Variants in TINAG observed in about 807,000 individuals in gnomAD.
The protein encoded by TINAG is tubulointerstitial nephritis antigen.
TINAG carries 83 observed loss-of-function variants against 72.7 expected under a neutral mutation model. That is an observed-to-expected ratio of 1.14 (90% CI 0.96 to 1.37). The LOEUF is 1.37. Among genes scored for constraint, TINAG ranks in the 40% most tolerant of loss-of-function variants. The probability of loss-of-function intolerance (pLI) is 0.00; values close to 1 mark genes in which losing one functional copy is unlikely to be tolerated. For missense variants in TINAG, 685 were observed against 576.6 expected (o/e 1.19, Z -1.93); for synonymous variants, 234 against 189.9 (o/e 1.23, Z -1.91).
chr6:54,325,804 A>G (rs1482560096), intron 3 of TINAG, among the ~76,000 whole-genome samples: 3 of 151,762 alleles, frequency 2.0e-5, no homozygotes, highest in Non-Finnish European at 4.4e-5. Flanking sequence ...AGGTTCCCTT[A>G]TTGAGATTGC....
intron 10 of TINAG, among the ~76,000 whole-genome samples, chr6:54,383,610 T>C (rs1562187793): frequency 6.6e-6 from 1 of 152,040 alleles, no homozygotes; most frequent in Non-Finnish European, 1.5e-5. Context: ...AGTTAAATTA[T>C]GAGACAAGTG....
At chr6:54,346,409 T>C (rs1187813022) in intron 5 of TINAG, among the ~76,000 whole-genome samples, 1 of 151,666 alleles carries the variant, frequency 6.6e-6, no homozygotes, top group African/African-American at 2.4e-5. Context: ...TAATAAAAAG[T>C]TTGTGTGTGT....
chr6:54,337,730 A>G (rs1272614446), intron 4 of TINAG, among the ~76,000 whole-genome samples: 1 of 152,106 alleles, frequency 6.6e-6, no homozygotes. Flanking sequence ...AATAACGACC[A>G]TTTTCTCCAT....
At chr6:54,371,499 A>T (rs1763605917) in intron 9 of TINAG, among the ~76,000 whole-genome samples, 2 of 151,672 alleles carry the variant, frequency 1.3e-5, no homozygotes, top group Non-Finnish European at 2.9e-5. Context: ...ATTTAGAATG[A>T]TTCTAATTAT....
intron 9 of TINAG, among the ~76,000 whole-genome samples, chr6:54,376,636 T>A (rs1263725053): frequency 6.6e-6 from 1 of 152,164 alleles, no homozygotes; most frequent in Non-Finnish European, 1.5e-5. Context: ...AAAAGTTTAG[T>A]GTTTAGCATA....
chr6:54,310,478 CTCTCTTTCTTTCTTTTCTTCTTTCTT>C lies in TINAG; in HGVS notation c.355+1593_355+1618del, dbSNP rs1198820213. ...CTCTCTCTCCCTCCTTTCTCCCTCC[CTCTCTTTCTTTCTTTTCTTCTTTCTT>C]TCTCTTTCTTTCTTTTCTTTCTTTC... On this transcript the variant is annotated intron_variant, in intron 1 of 10. Transcript: ENST00000259782. Among the ~76,000 whole-genome samples the C allele has an allele frequency of 8.6e-4, 99 of 115,220 alleles. 2 individuals are homozygous for C. Among genetic ancestry groups the C allele is most frequent in the Admixed American group, 8.1e-3 (90 of 11,104 alleles). 75.6% of individuals were successfully genotyped at this position (115,220 alleles called of 152,430 possible).
At chr6:54,313,191 T>C (rs1784297687) in intron 1 of TINAG, among the ~76,000 whole-genome samples, 1 of 152,212 alleles carries the variant, frequency 6.6e-6, no homozygotes, top group Non-Finnish European at 1.5e-5. Context: ...TTCTCTATTT[T>C]GTCATGTTGG....
rs574874761 is a variant in TINAG, at chr6:54,350,488, A to G, written c.1080+592A>G. On this transcript the variant is annotated intron_variant, in intron 7 of 10. Transcript: ENST00000259782. ...TTTCATGAGTTGGTTTTGACGTACT[A>G]CTTTTATACACTCATGTCCTGCCAG... 1.6e-3 allele frequency among the ~76,000 whole-genome samples: 236 copies of G among 151,644 alleles called. 2 individuals carry two copies. Among genetic ancestry groups the G allele is most frequent in the African/African-American group, 4.9e-3 (204 of 41,386 alleles).
chr6:54,314,029 T>C (rs1191410354), intron 1 of TINAG, among the ~76,000 whole-genome samples: 1 of 152,120 alleles, frequency 6.6e-6, no homozygotes, highest in African/African-American at 2.4e-5. Flanking sequence ...TCTACATGGG[T>C]AAGGAGACTT....
At chr6:54,363,613 G>T (rs1167924282) in intron 9 of TINAG, among the ~76,000 whole-genome samples, 1 of 129,852 alleles carries the variant, frequency 7.7e-6, no homozygotes, top group Non-Finnish European at 1.6e-5. Flanking sequence ...AAGTGCCAAC[G>T]GGTATCAAAA....
chr6:54,333,309 C>A (rs1475883589), intron 4 of TINAG, among the ~76,000 whole-genome samples: 1 of 152,128 alleles, frequency 6.6e-6, no homozygotes, highest in East Asian at 1.9e-4. Flanking sequence ...GAGTTTATAT[C>A]TTTTGCAGGG....
Position 54,376,565 on chromosome 6 carries a change from T to C in TINAG, c.1251-3961T>C, listed in dbSNP as rs113647610. Among the ~76,000 whole-genome samples the C allele has an allele frequency of 5.2e-3, 790 of 152,294 alleles. 8 individuals carry two copies. Among genetic ancestry groups the C allele is most frequent in the African/African-American group, 0.018 (752 of 41,568 alleles). On this transcript the variant is annotated intron_variant, in intron 9 of 10. Transcript: ENST00000259782. ...AAGAAAAAAATATCATTTAAAATCA[T>C]ATGCAAATTATTCTGTTCCAATAAT...
At chr6:54,361,349 C>T (rs1186291554) in intron 9 of TINAG, among the ~76,000 whole-genome samples, 1 of 151,636 alleles carries the variant, frequency 6.6e-6, no homozygotes, top group Non-Finnish European at 1.5e-5. Context: ...ACTCATAGTT[C>T]CACAGGCTGT....
At chr6:54,355,639 A>G (rs1340525593) in intron 9 of TINAG, among the ~76,000 whole-genome samples, 1 of 151,906 alleles carries the variant, frequency 6.6e-6, no homozygotes, top group African/African-American at 2.4e-5. Flanking sequence ...ATGAAAATAC[A>G]TGTATCTTAG....
chr6:54,320,082 T>C lies in TINAG; in HGVS notation c.356-497T>C, dbSNP rs3777649. ...TTGATTTCCTGAATTTTTTCCCTTA[T>C]TCAGATCCTAAAGAAAAAAATAGAA... On this transcript the variant is annotated intron_variant, in intron 1 of 10. Transcript: ENST00000259782. 6.6e-5 allele frequency among the ~76,000 whole-genome samples: 10 copies of C among 152,202 alleles called. No individual in the cohort carries two copies. The East Asian group carries it at 1.7e-3, about 26-fold the overall frequency.
At chr6:54,334,510 C>T (rs534272943) in intron 4 of TINAG, among the ~76,000 whole-genome samples, 63 of 152,274 alleles carry the variant, frequency 4.1e-4, no homozygotes, top group African/African-American at 1.4e-3. Context: ...TATTAAAGCA[C>T]TTACAGTTTC....
At chr6:54,373,114 T>C (rs1763681840) in intron 9 of TINAG, among the ~76,000 whole-genome samples, 1 of 152,160 alleles carries the variant, frequency 6.6e-6, no homozygotes, top group South Asian at 2.1e-4. Context: ...CATTTCTTGA[T>C]ATAAATGAGA....
At chr6:54,334,381 T>A (rs931524261) in intron 4 of TINAG, among the ~76,000 whole-genome samples, 2 of 152,188 alleles carry the variant, frequency 1.3e-5, no homozygotes, top group Non-Finnish European at 2.9e-5. Context: ...TAATGTACTT[T>A]GCTTTTGAGT....
chr6:54,325,065 C>T (rs1784573344), intron 3 of TINAG, among the ~76,000 whole-genome samples: 1 of 152,176 alleles, frequency 6.6e-6, no homozygotes, highest in Non-Finnish European at 1.5e-5. Flanking sequence ...ATGCTTTGCT[C>T]AAGAGTTACT....
Sources: allele counts gnomAD v4.1 joint callset (sites outside exome capture counted in the v4.1 genomes callset), GRCh38; gene constraint gnomAD v4.1.1; transcripts MANE v1.5; gene names NCBI Gene and HGNC (gene_info 2026-07-23, HGNC 2026-07-21).